Variants in FAAH2 observed in about 807,000 individuals in gnomAD.
FAAH2 encodes fatty acid amide hydrolase 2, also known as fatty-acid amide hydrolase 2.
In FAAH2, 60 loss-of-function variants were observed where a neutral mutation model predicts 36.9. The ratio of observed to expected loss-of-function variants is 1.63; its 90% CI spans 1.32 to 2.02. The LOEUF (loss-of-function observed/expected upper bound fraction) is 2.02. Ranked by LOEUF, FAAH2 falls within the 30% of genes most tolerant of loss-of-function variation. The pLI, the probability that FAAH2 is intolerant of heterozygous loss-of-function variation, is 0.00. For missense variants in FAAH2, 689 were observed against 397.5 expected (o/e 1.73, Z -6.23); for synonymous variants, 214 against 143.8 (o/e 1.49, Z -3.49).
chrX:57,355,678 A>T (rs2054141187), intron 5 of FAAH2, among the ~76,000 whole-genome samples: 1 of 110,391 alleles, frequency 9.1e-6, no homozygotes, highest in Admixed American at 9.7e-5. Flanking sequence ...AACCATTAGC[A>T]GTTTCTCTTT....
chrX:57,276,578 C>A, the FAAH2 span, among the ~76,000 whole-genome samples: 1 of 110,969 alleles, frequency 9.0e-6, no homozygotes, highest in African/African-American at 3.3e-5. Context: ...AAGATCAGAG[C>A]AGAACTGAAG....
intron 5 of FAAH2, among the ~76,000 whole-genome samples, chrX:57,348,963 T>G (rs1183558291): frequency 1.9e-5 from 2 of 105,568 alleles, no homozygotes; most frequent in African/African-American, 6.9e-5. Flanking sequence ...AAATGCCATT[T>G]AAAGAATCCA....
chrX:57,177,530 G>A, the FAAH2 span, among the ~76,000 whole-genome samples: 6 of 95,431 alleles, frequency 6.3e-5, no homozygotes, highest in South Asian at 5.2e-4. Flanking sequence ...GGGTCGGTTC[G>A]GGAGCAACAA....
intron 8 of FAAH2, among the ~76,000 whole-genome samples, chrX:57,440,155 A>G (rs373031264): frequency 8.8e-4 from 98 of 111,396 alleles, no homozygotes; most frequent in African/African-American, 3.0e-3. Context: ...TTGGTAGCTT[A>G]ATGGGGATGG....
chrX:57,289,022 C>T (rs1215191432), intron 1 of FAAH2, among the ~76,000 whole-genome samples: 1 of 111,969 alleles, frequency 8.9e-6, no homozygotes, highest in Admixed American at 9.4e-5. Flanking sequence ...AACTAAATTT[C>T]TTAAACACCT....
At chrX:57,171,005 C>T in the FAAH2 span, among the ~76,000 whole-genome samples, 16 of 111,412 alleles carry the variant, frequency 1.4e-4, no homozygotes, top group East Asian at 3.1e-3. Flanking sequence ...CCACTGCAAC[C>T]GGCCTGTATT....
chrX:57,267,013 G>A, the FAAH2 span, among the ~76,000 whole-genome samples: 3 of 111,741 alleles, frequency 2.7e-5, no homozygotes, highest in East Asian at 2.8e-4. Context: ...GCCTCCTGGG[G>A]CCCCATCCTG....
At chrX:57,252,108 T>A in the FAAH2 span, among the ~76,000 whole-genome samples, 1 of 112,613 alleles carries the variant, frequency 8.9e-6, no homozygotes, top group Non-Finnish European at 1.9e-5. Context: ...CACAGAGCCT[T>A]GCTCGCTGCT....
At chrX:57,320,018 A>G (rs1229311995) in intron 3 of FAAH2, among the ~76,000 whole-genome samples, 3 of 112,118 alleles carry the variant, frequency 2.7e-5, no homozygotes, top group Non-Finnish European at 5.6e-5. Flanking sequence ...AAATTAACTC[A>G]AGATGGATTA....
intron 1 of FAAH2, chrX:57,290,289 T>A: frequency 1.3e-6 from 1 of 751,733 alleles, no homozygotes; most frequent in Non-Finnish European, 1.6e-6. Context: ...TATACGTTGA[T>A]GGAGTGACCA....
At chrX:57,298,921 G>C (rs1029606621) in intron 2 of FAAH2, among the ~76,000 whole-genome samples, 1 of 110,539 alleles carries the variant, frequency 9.0e-6, no homozygotes, top group Admixed American at 9.7e-5. Context: ...TTCAATCTCT[G>C]AATAGACCAA....
the FAAH2 span, among the ~76,000 whole-genome samples, chrX:57,234,773 C>T: frequency 1.8e-5 from 2 of 111,723 alleles, no homozygotes; most frequent in Admixed American, 9.5e-5. Flanking sequence ...GCAGGCTGGT[C>T]CCCATGGTTC....
chrX:57,271,258 A>T, the FAAH2 span, among the ~76,000 whole-genome samples: 1 of 112,754 alleles, frequency 8.9e-6, no homozygotes, highest in Non-Finnish European at 1.9e-5. Context: ...CTCAGCAAGG[A>T]TGCTGTGGCC....
intron 7 of FAAH2, among the ~76,000 whole-genome samples, chrX:57,417,080 G>A (rs1039193576): frequency 8.9e-6 from 1 of 111,862 alleles, no homozygotes; most frequent in African/African-American, 3.2e-5. Context: ...AGCTCTGTCA[G>A]ATCATTTATG....
At chrX:57,385,049 A>G (rs1365287620) in intron 7 of FAAH2, among the ~76,000 whole-genome samples, 4 of 110,370 alleles carry the variant, frequency 3.6e-5, no homozygotes, top group Non-Finnish European at 5.7e-5. Flanking sequence ...CAAATACCGC[A>G]TGTTTTCACT....
At chrX:57,461,459 A>G (rs1602740943) in intron 10 of FAAH2, among the ~76,000 whole-genome samples, 1 of 111,967 alleles carries the variant, frequency 8.9e-6, no homozygotes, top group Non-Finnish European at 1.9e-5. Flanking sequence ...GTCTCACAGA[A>G]CACAGTGCAA....
chrX:57,316,115 A>G (rs983568053), intron 3 of FAAH2, among the ~76,000 whole-genome samples: 3 of 111,276 alleles, frequency 2.7e-5, no homozygotes, highest in Admixed American at 9.6e-5. Flanking sequence ...TGAGATTCAC[A>G]CAATCCCATT....
the FAAH2 span, among the ~76,000 whole-genome samples, chrX:57,221,997 T>C: frequency 3.1e-4 from 34 of 110,936 alleles, no homozygotes; most frequent in East Asian, 1.4e-3. Flanking sequence ...ACTATCTCTC[T>C]TTTAAACTTC....
intron 7 of FAAH2, among the ~76,000 whole-genome samples, chrX:57,400,616 T>C (rs2055409280): frequency 8.9e-6 from 1 of 112,220 alleles, no homozygotes; most frequent in African/African-American, 3.2e-5. Context: ...TACCTGGGAA[T>C]CCATGTTTGG....
Sources: gnomAD v4.1 joint callset for allele counts (sites outside exome capture counted in the v4.1 genomes callset) on GRCh38, gnomAD v4.1.1 for gene constraint, MANE v1.5 for transcripts, NCBI Gene and HGNC (gene_info 2026-07-23, HGNC 2026-07-21) for gene names.